Variants in ARHGAP11A observed in about 807,000 individuals in gnomAD.
ARHGAP11A encodes the protein Rho GTPase activating protein 11A.
ARHGAP11A carries 36 observed loss-of-function variants against 60.5 expected under a neutral mutation model. That is an observed-to-expected ratio of 0.59 (90% CI 0.46 to 0.79). ARHGAP11A has a LOEUF of 0.79. Among genes scored for constraint, ARHGAP11A ranks in the 30% least tolerant of loss-of-function variants. The pLI, the probability that ARHGAP11A is intolerant of heterozygous loss-of-function variation, is 0.00. For synonymous variants in ARHGAP11A, 362 were observed against 415.5 expected (o/e 0.87, Z 1.57); for missense variants, 1,071 against 1,199.2 (o/e 0.89, Z 1.58).
intron 6 of ARHGAP11A, among the ~76,000 whole-genome samples, chr15:32,628,346 T>A (rs1189844624): frequency 6.6e-6 from 1 of 152,250 alleles, no homozygotes; most frequent in Non-Finnish European, 1.5e-5. Flanking sequence ...ATGTTTTTAC[T>A]TCCATCTCTA....
At chr15:32,624,102 A>G (rs1369778023) in intron 3 of ARHGAP11A, 71 bp from the exon 4 acceptor site, 1 of 1,602,012 alleles carries the variant, frequency 6.2e-7, no homozygotes, top group Non-Finnish European at 8.5e-7. Context: ...ATTAGAGTAT[A>G]ACAAAAGATA....
upstream of ARHGAP11A, chr15:32,615,433 A>C (rs2053107851): frequency 6.6e-6 from 1 of 151,776 alleles, no homozygotes; most frequent in Admixed American, 6.6e-5. Context: ...TTTTGAAAAG[A>C]GGAGTGGACC....
chr15:32,632,327 C>G (rs2053603991), intron 8 of ARHGAP11A, among the ~76,000 whole-genome samples: 1 of 152,168 alleles, frequency 6.6e-6, no homozygotes, highest in African/African-American at 2.4e-5. Context: ...AATAATTGAG[C>G]TTCTGTTGTA....
intron 10 of ARHGAP11A, among the ~76,000 whole-genome samples, chr15:32,634,440 C>G (rs1459666104): frequency 1.3e-5 from 2 of 152,194 alleles, no homozygotes. Flanking sequence ...CTTTGAACAT[C>G]ATGTCAAATA....
intron 4 of ARHGAP11A, 90 bp downstream of exon 4, chr15:32,624,516 T>C (rs1231923909): frequency 3.3e-5 from 48 of 1,469,464 alleles, no homozygotes; most frequent in Non-Finnish European, 4.3e-5. Flanking sequence ...TCATTTGGAA[T>C]GGAAATTTTT....
chr15:32,624,993 G>A (rs532297171), intron 4 of ARHGAP11A, 87 bp from the exon 5 acceptor site: 25 of 1,451,818 alleles, frequency 1.7e-5, no homozygotes, highest in Middle Eastern at 1.8e-4. Context: ...CTGATAATAA[G>A]GTCTTCAAAA....
At chr15:32,623,896 C>G (rs1229581641) in intron 3 of ARHGAP11A, among the ~76,000 whole-genome samples, 3 of 152,020 alleles carry the variant, frequency 2.0e-5, no homozygotes, top group Admixed American at 6.6e-5. Flanking sequence ...AGTGTGGTGG[C>G]ACATGCTTGT....
At position 32,623,506 on chromosome 15, in the gene ARHGAP11A, C is replaced by T. The variant is rs2053386165; in HGVS notation, c.215C>T (p.Ala72Val). The T allele has an allele frequency of 6.2e-7, 1 of 1,612,678 alleles. No individual in the cohort carries two copies. Among genetic ancestry groups the T allele is most frequent in the Non-Finnish European group, 8.5e-7 (1 of 1,179,710 alleles). The change falls in exon 3 of 12, where the codon GCT becomes GTT. Residue 72 changes from alanine to valine, a missense_variant. By Grantham distance (64) the Ala-to-Val change is moderately conservative. Coordinates refer to ENST00000361627, the MANE Select transcript of ARHGAP11A (RefSeq NM_014783.6). ...YGHIPSFLVD[A>V]CTSLEDHIHT... The stretch of plus-strand genomic sequence containing the variant: ...CTCTCTTTCAGCTTTCTTGTCGATG[C>T]TTGCACATCTTTAGAAGACCATATT...
At position 32,638,137 on chromosome 15, in the gene ARHGAP11A, G is replaced by T; in HGVS notation, c.*292G>T. The T allele has an allele frequency of 3.8e-6, 1 of 265,502 alleles. No homozygotes were observed. Among genetic ancestry groups the T allele is most frequent in the East Asian group, 7.8e-5 (1 of 12,832 alleles). 16.4% of individuals were successfully genotyped at this position (265,502 alleles called of 1,614,324 possible). On this transcript the variant is annotated 3_prime_UTR_variant, in exon 12 of 12. Coordinates refer to ENST00000361627, the MANE Select transcript of ARHGAP11A (RefSeq NM_014783.6). ...TCTGTCGTCCAGGCTGGAGTGCAGT[G>T]GCGCAATCTCACTGCAAGCTCCACT...
intron 2 of ARHGAP11A, among the ~76,000 whole-genome samples, chr15:32,622,675 C>G (rs1343174201): frequency 6.6e-6 from 1 of 151,550 alleles, no homozygotes; most frequent in East Asian, 1.9e-4. Flanking sequence ...GTATCTAAAG[C>G]CAACATTGAG....
chr15:32,631,692 T>G (rs559156870), intron 8 of ARHGAP11A, among the ~76,000 whole-genome samples: 2 of 152,370 alleles, frequency 1.3e-5, no homozygotes, highest in Non-Finnish European at 2.9e-5. Flanking sequence ...TTTTTATTTT[T>G]TGAGACGGAG....
chr15:32,630,082 T>A (rs1188219958), intron 8 of ARHGAP11A, among the ~76,000 whole-genome samples: 1 of 109,590 alleles, frequency 9.1e-6, no homozygotes, highest in African/African-American at 4.0e-5. Context: ...TGAATCCTGC[T>A]ATAGTTACAT....
At position 32,637,158 on chromosome 15, in the gene ARHGAP11A, T is replaced by G. The variant is rs775018845; in HGVS notation, c.2385T>G (p.Val795=). 1 of 1,614,134 alleles carries G rather than the reference T, an allele frequency of 6.2e-7. No individual in the cohort carries two copies. Among genetic ancestry groups the G allele is most frequent in the Non-Finnish European group, 8.5e-7 (1 of 1,180,030 alleles). Residue 795 remains valine, a synonymous_variant, in exon 12 of 12, where the codon GTT becomes GTG. Transcript: ENST00000361627. The part of the protein sequence containing the change: ...QQSLETCEKT[V]SESSQMTEHR... The stretch of plus-strand genomic sequence containing the variant: ...CATTGGAAACATGTGAGAAAACAGT[T>G]TCTGAAAGTTCACAAATGACAGAAC...
intron 8 of ARHGAP11A, among the ~76,000 whole-genome samples, chr15:32,630,875 T>C (rs943709385): frequency 6.6e-6 from 1 of 152,184 alleles, no homozygotes; most frequent in African/African-American, 2.4e-5. Flanking sequence ...GTTGTTTTTT[T>C]TTTTGAATAT....
In ARHGAP11A at chr15:32,624,838, G is replaced by T. The variant is rs560533137; in HGVS notation, c.552-242G>T. On this transcript the variant is annotated intron_variant, in intron 4 of 11. Transcript: ENST00000361627. ...AAAATCAGATAAAGATGTTCAATTT[G>T]TGTGGAAAAGCAAAGTATGAACTCT... 7.5e-3 allele frequency among the ~76,000 whole-genome samples: 1,132 copies of T among 151,570 alleles called. 56 individuals are homozygous for T. Among genetic ancestry groups the T allele is most frequent in the Admixed American group, 0.067 (1,013 of 15,194 alleles).
In ARHGAP11A at chr15:32,637,622, A is replaced by G. The variant is rs974958741; in HGVS notation, c.2849A>G (p.Gln950Arg). 6.2e-7 allele frequency: 1 copy of G among 1,614,226 alleles called. No homozygotes were observed. Among genetic ancestry groups the G allele is most frequent in the Admixed American group, 1.7e-5 (1 of 60,026 alleles). The change falls in exon 12 of 12, where the codon CAG (glutamine) becomes CGG (arginine). Residue 950 changes from glutamine to arginine, a missense_variant. Gln to Arg is a conservative substitution (Grantham distance 43). Transcript: ENST00000361627. ...ASLRSTTVYK[Q>R]KILSDGQVKV... Reference sequence around the variant, plus strand: ...CTTAGGTCTACTACAGTTTATAAACAGAAGATCTTATCTGATGGCCAAGTT... The same window carrying G: ...CTTAGGTCTACTACAGTTTATAAACGGAAGATCTTATCTGATGGCCAAGTT...
At position 32,624,160 on chromosome 15, in the gene ARHGAP11A, A is replaced by T; in HGVS notation, c.298-13A>T. The T allele has an allele frequency of 1.2e-6, 2 of 1,609,606 alleles. No individual in the cohort carries two copies. Among genetic ancestry groups the T allele is most frequent in the Admixed American group, 1.7e-5 (1 of 59,616 alleles). On this transcript the variant is annotated splice_polypyrimidine_tract_variant and intron_variant, in intron 3 of 11. Transcript: ENST00000361627. The stretch of plus-strand genomic sequence containing the variant: ...AGTTGCCAAAATACTCAAGATTATT[A>T]TATTTATTTCAGAATAAAGTGGATC...
At chr15:32,624,024 T>G in intron 3 of ARHGAP11A, 149 bp from the exon 4 acceptor site, 1 of 597,066 alleles carries the variant, frequency 1.7e-6, no homozygotes, top group Non-Finnish European at 3.0e-6. Context: ...AATTCAAAAA[T>G]CATTAAAAAT....
chr15:32,638,061 T>C lies in ARHGAP11A; in HGVS notation c.*216T>C. On this transcript the variant is annotated 3_prime_UTR_variant, in exon 12 of 12. Transcript: ENST00000361627. ...TCTTAATGATGGCAATTTTTAAACT[T>C]TAATTTTATTGTGATCTCTTAAAGC... 1.9e-6 allele frequency: 1 copy of C among 535,166 alleles called. No homozygotes were observed. Among genetic ancestry groups the C allele is most frequent in the Non-Finnish European group, 3.2e-6 (1 of 310,186 alleles). The allele number at this position is 535,166 out of a possible 1,614,324, so 33.2% of individuals were successfully genotyped here. A position where few individuals can be genotyped will look rare whatever the true frequency, so the allele number is the denominator to read the frequency against.
Sources: allele counts gnomAD v4.1 joint callset (sites outside exome capture counted in the v4.1 genomes callset), GRCh38; gene constraint gnomAD v4.1.1; transcripts MANE v1.5; gene names NCBI Gene and HGNC (gene_info 2026-07-23, HGNC 2026-07-21).